IMMP2L: variants seen among roughly 807,000 people sequenced by gnomAD.
IMMP2L encodes mitochondrial inner membrane protease subunit 2.
In IMMP2L, 18 loss-of-function variants were observed where a neutral mutation model predicts 19.3. That is an observed-to-expected ratio of 0.93 (90% CI 0.64 to 1.38). The LOEUF is 1.38. Among genes scored for constraint, IMMP2L ranks in the 40% most tolerant of loss-of-function variants. The pLI, the probability that IMMP2L is intolerant of heterozygous loss-of-function variation, is 0.00. For missense variants in IMMP2L, 233 were observed against 218.2 expected, an observed-to-expected ratio of 1.07 and a Z score of -0.43; for synonymous variants, 76 against 73.0, an observed-to-expected ratio of 1.04 and a Z score of -0.21.
At chr7:111,280,299 G>A (rs891473316) in intron 3 of IMMP2L, among the ~76,000 whole-genome samples, 1 of 152,018 alleles carries the variant, frequency 6.6e-6, no homozygotes, top group Non-Finnish European at 1.5e-5. Flanking sequence ...CCCAGTTCCT[G>A]CATGGCTCAT....
chr7:111,112,310 C>T (rs1799330581), intron 3 of IMMP2L, among the ~76,000 whole-genome samples: 1 of 152,100 alleles, frequency 6.6e-6, no homozygotes, highest in Non-Finnish European at 1.5e-5. Context: ...TTAATTTCCA[C>T]ACAGGAACTA....
chr7:111,123,939 G>A lies in IMMP2L; in HGVS notation c.240-160374C>T. On this transcript the variant is annotated intron_variant, in intron 3 of 5. Transcript: ENST00000405709. The surrounding 1 kb of genome is among the most constrained non-coding windows in gnomAD (Gnocchi z 6.4). ...TGAACAAAACCAACATTCGATTCAT[G>A]GAGCCAGATTCACTGTTTTGCGTGG... 6.2e-7 allele frequency: 1 copy of A among 1,613,988 alleles called. No homozygotes were observed. Among genetic ancestry groups the A allele is most frequent in the Non-Finnish European group, 8.5e-7 (1 of 1,179,992 alleles).
chr7:111,368,243 C>G (rs977341664), intron 3 of IMMP2L, among the ~76,000 whole-genome samples: 1 of 151,896 alleles, frequency 6.6e-6, no homozygotes, highest in Non-Finnish European at 1.5e-5. Context: ...TGACATCACC[C>G]CTACTTCTTT....
intron 2 of IMMP2L, among the ~76,000 whole-genome samples, chr7:111,497,539 G>A (rs1333934404): frequency 2.0e-5 from 3 of 151,906 alleles, no homozygotes; most frequent in African/African-American, 7.3e-5. Context: ...GAGAATAAGT[G>A]AAAAATGCGA....
At chr7:110,729,450 T>C (rs556345609) in intron 5 of IMMP2L, among the ~76,000 whole-genome samples, 3 of 152,290 alleles carry the variant, frequency 2.0e-5, no homozygotes, top group African/African-American at 7.2e-5. Context: ...TGGGGGAAAC[T>C]GCCCCCATAA....
chr7:110,858,669 T>G (rs991229356), intron 5 of IMMP2L, among the ~76,000 whole-genome samples: 1 of 152,008 alleles, frequency 6.6e-6, no homozygotes, highest in Non-Finnish European at 1.5e-5. Flanking sequence ...TAGTTACATA[T>G]GTATACATGT....
At chr7:110,909,059 T>C (rs1812769370) in intron 4 of IMMP2L, among the ~76,000 whole-genome samples, 1 of 152,102 alleles carries the variant, frequency 6.6e-6, no homozygotes, top group African/African-American at 2.4e-5. Flanking sequence ...TGGAGAGAGC[T>C]ACACAGGCAA....
At chr7:111,184,217 A>G (rs960092345) in intron 3 of IMMP2L, among the ~76,000 whole-genome samples, 1 of 152,020 alleles carries the variant, frequency 6.6e-6, no homozygotes, top group Non-Finnish European at 1.5e-5. Context: ...TATCATAAGA[A>G]TCAAAGAGAA....
intron 1 of IMMP2L, among the ~76,000 whole-genome samples, chr7:111,526,439 C>T (rs1355635982): frequency 6.6e-6 from 1 of 152,080 alleles, no homozygotes; most frequent in Non-Finnish European, 1.5e-5. Context: ...GGAATGGAGA[C>T]GATTACTATT....
At position 111,030,923 on chromosome 7, in the gene IMMP2L, TATAA is replaced by T. The variant is rs1267610043; in HGVS notation, c.240-67362_240-67359del. Reference sequence around the variant, plus strand: ...ATATATATATATATATATATATATATATAAAATATATATACACGAGAATTAGACA... The same window carrying T: ...ATATATATATATATATATATATATATAATATATATACACGAGAATTAGACA... On this transcript the variant is annotated intron_variant, in intron 3 of 5. Transcript: ENST00000405709. Among the ~76,000 whole-genome samples, 20 of 101,192 alleles carry T rather than the reference TATAA, an allele frequency of 2.0e-4. No homozygotes were observed. In the South Asian group the frequency reaches 6.6e-3, roughly 33 times the overall value. The allele number at this position is 101,192 out of a possible 152,430, so 66.4% of individuals were successfully genotyped here.
At chr7:111,435,579 G>A (rs552379170) in intron 3 of IMMP2L, among the ~76,000 whole-genome samples, 4 of 151,916 alleles carry the variant, frequency 2.6e-5, no homozygotes, top group African/African-American at 9.7e-5. Context: ...TGGGTGCAAT[G>A]TTCACTATTC....
At chr7:110,981,531 T>C (rs1234784038) in intron 3 of IMMP2L, among the ~76,000 whole-genome samples, 1 of 151,726 alleles carries the variant, frequency 6.6e-6, no homozygotes, top group Non-Finnish European at 1.5e-5. Context: ...CACTAACTTT[T>C]CACTTAAAGA....
intron 2 of IMMP2L, among the ~76,000 whole-genome samples, chr7:111,503,841 A>G (rs1242291105): frequency 6.6e-6 from 1 of 152,156 alleles, no homozygotes; most frequent in Non-Finnish European, 1.5e-5. Context: ...AGAGCTATCT[A>G]TGACAAACCC....
chr7:111,242,833 C>A (rs147414853), intron 3 of IMMP2L, among the ~76,000 whole-genome samples: 2 of 152,034 alleles, frequency 1.3e-5, no homozygotes, highest in East Asian at 3.9e-4. Flanking sequence ...TATAAATATT[C>A]CTCAACTAAT....
Position 110,758,526 on chromosome 7 carries a change from AAGT to A in IMMP2L, c.409-94808_409-94806del, listed in dbSNP as rs953400460. On this transcript the variant is annotated intron_variant, in intron 5 of 5. Coordinates refer to ENST00000405709, the MANE Select transcript of IMMP2L (RefSeq NM_032549.4). The surrounding 1 kb of genome is among the most constrained non-coding windows in gnomAD (Gnocchi z 4.6). Reference sequence around the variant, plus strand: ...GTGAAAGGGGATGAGTCTAGTAAATAAGTAGAGTGCAGGCCTGGCTATGAGCAA... The same window carrying A: ...GTGAAAGGGGATGAGTCTAGTAAATAAGAGTGCAGGCCTGGCTATGAGCAA... 6.6e-6 allele frequency among the ~76,000 whole-genome samples: 1 copy of A among 152,080 alleles called. No individual in the cohort carries two copies. The highest frequency in any genetic ancestry group is 2.4e-5 in the African/African-American group (1 of 41,428).
intron 3 of IMMP2L, among the ~76,000 whole-genome samples, chr7:111,377,482 G>C (rs1025012056): frequency 6.6e-6 from 1 of 151,812 alleles, no homozygotes; most frequent in African/African-American, 2.4e-5. Flanking sequence ...ACCTGTTCCT[G>C]TGGTAAACTG....
chr7:110,874,290 A>G (rs572727479), intron 5 of IMMP2L, among the ~76,000 whole-genome samples: 106 of 152,238 alleles, frequency 7.0e-4, no homozygotes, highest in Non-Finnish European at 1.1e-3. Flanking sequence ...TGGGAATAAT[A>G]TATCAATTTT....
intron 3 of IMMP2L, among the ~76,000 whole-genome samples, chr7:111,378,756 C>G (rs1830920931): frequency 6.6e-6 from 1 of 151,922 alleles, no homozygotes; most frequent in South Asian, 2.1e-4. Flanking sequence ...AGCTCAAAGA[C>G]TTATTAAACT....
chr7:110,886,477 C>A, intron 5 of IMMP2L, 116 bp downstream of exon 5: 1 of 633,028 alleles, frequency 1.6e-6, no homozygotes, highest in Non-Finnish European at 2.9e-6. Context: ...ATAAACTATT[C>A]CAGTATAAAT....
Sources: allele counts gnomAD v4.1 joint callset (sites outside exome capture counted in the v4.1 genomes callset), GRCh38; gene constraint gnomAD v4.1.1; non-coding constraint Gnocchi (gnomAD v3.1); transcripts MANE v1.5; gene names NCBI Gene and HGNC (gene_info 2026-07-23, HGNC 2026-07-21).